IQCF1: variants seen among roughly 807,000 people sequenced by gnomAD.
IQCF1 encodes the protein IQ motif containing F1.
A neutral mutation model predicts 12.5 loss-of-function variants in IQCF1; 9 were observed. That is an observed-to-expected ratio of 0.72 (90% CI 0.43 to 1.26). IQCF1 has a LOEUF of 1.26. Among genes scored for constraint, IQCF1 ranks in the 50% most tolerant of loss-of-function variants. The pLI is 0.00. For synonymous variants in IQCF1, 67 were observed against 96.2 expected (o/e 0.70, Z 1.78); for missense variants, 252 against 257.4 (o/e 0.98, Z 0.14).
intron 2 of IQCF1, among the ~76,000 whole-genome samples, chr3:51,899,433 G>C (rs1699050230): frequency 6.6e-6 from 1 of 152,154 alleles, no homozygotes; most frequent in Non-Finnish European, 1.5e-5. Flanking sequence ...AACTATTGAA[G>C]AAACAGTTTA....
intron 2 of IQCF1, among the ~76,000 whole-genome samples, chr3:51,902,049 G>T (rs1394143708): frequency 6.6e-6 from 1 of 152,166 alleles, no homozygotes; most frequent in Non-Finnish European, 1.5e-5. Flanking sequence ...CAATGAGTTA[G>T]CCAACAACTC....
chr3:51,902,151 G>A (rs1295701595), intron 2 of IQCF1, among the ~76,000 whole-genome samples: 1 of 152,172 alleles, frequency 6.6e-6, no homozygotes, highest in Non-Finnish European at 1.5e-5. Context: ...CCTGGCAGCC[G>A]CAATGGGTGT....
intron 2 of IQCF1, among the ~76,000 whole-genome samples, chr3:51,897,656 C>A (rs999386605): frequency 1.3e-5 from 2 of 152,230 alleles, no homozygotes; most frequent in Non-Finnish European, 2.9e-5. Context: ...CAACTCTGTG[C>A]ACAGACCAAG....
At chr3:51,897,249 C>A (rs1390339584) in intron 2 of IQCF1, among the ~76,000 whole-genome samples, 2 of 152,156 alleles carry the variant, frequency 1.3e-5, no homozygotes, top group Non-Finnish European at 2.9e-5. Flanking sequence ...AATAGGGGAA[C>A]GACACAGCAG....
At position 51,900,300 on chromosome 3, in the gene IQCF1, G is replaced by A. The variant is rs1699060482; in HGVS notation, c.108+2685C>T. 6.6e-6 allele frequency among the ~76,000 whole-genome samples: 1 copy of A among 152,058 alleles called. No homozygotes were observed. ...AGCGCCACCCCTTCCAGAGTCACGGGCCATAGTCCCAGGGGAAAACCCTAT... is the reference window on the plus strand; with the variant it reads ...AGCGCCACCCCTTCCAGAGTCACGGACCATAGTCCCAGGGGAAAACCCTAT... On this transcript the variant is annotated intron_variant, in intron 2 of 3. Coordinates refer to ENST00000310914, the MANE Select transcript of IQCF1 (RefSeq NM_152397.3). This position sits in a 1 kb window ranked among gnomAD's most constrained non-coding sequence, Gnocchi z 4.2.
At position 51,894,998 on chromosome 3, in the gene IQCF1, C is replaced by T. The variant is rs1698982500; in HGVS notation, c.510G>A (p.Lys170=). The change falls in exon 4 of 4, where the codon AAG becomes AAA. Residue 170 remains lysine (K), a synonymous_variant. Coordinates refer to ENST00000310914, the MANE Select transcript of IQCF1 (RefSeq NM_152397.3). ...CRSCASRGFI[K]GQYRVTANQL... is the part of the protein sequence containing the mutation. ...GGTTGGCTGTGACTCTGTACTGGCC[C>T]TTGATGAACCCCCGGGAAGCACAGG... 6 of 1,614,214 alleles carry T rather than the reference C, an allele frequency of 3.7e-6. No individual in the cohort carries two copies. The highest frequency in any genetic ancestry group is 5.1e-6 in the Non-Finnish European group (6 of 1,180,038).
At position 51,895,341 on chromosome 3, in the gene IQCF1, C is replaced by T. The variant is rs749273435; in HGVS notation, c.172-5G>A. On this transcript the variant is annotated splice_region_variant and splice_polypyrimidine_tract_variant and intron_variant, in intron 3 of 3. Transcript: ENST00000310914. This position sits in a 1 kb window ranked among gnomAD's most constrained non-coding sequence, Gnocchi z 4.8. The stretch of plus-strand genomic sequence containing the variant: ...CTTCTTTTGGTTTTCTGGGGGCTTT[C>T]AAGAAAAAAAGAGGGACCTTCAGAG... 6.9e-7 allele frequency: 1 copy of T among 1,446,470 alleles called. No homozygotes were observed. Among genetic ancestry groups the T allele is most frequent in the Non-Finnish European group, 9.0e-7 (1 of 1,105,222 alleles). The allele number at this position is 1,446,470 out of a possible 1,614,324, so 89.6% of individuals were successfully genotyped here. A position where few individuals can be genotyped will look rare whatever the true frequency, so the allele number is the denominator to read the frequency against.
Position 51,900,614 on chromosome 3 carries a change from C to G in IQCF1, c.108+2371G>C, listed in dbSNP as rs543662167. The stretch of plus-strand genomic sequence containing the variant: ...TTTTGATAAAGACCCCAGTGTCAAC[C>G]AGGAGTCTTGCCCCGCGATGTAGAG... On this transcript the variant is annotated intron_variant, in intron 2 of 3. Coordinates refer to ENST00000310914, the MANE Select transcript of IQCF1 (RefSeq NM_152397.3). The surrounding 1 kb of genome is among the most constrained non-coding windows in gnomAD (Gnocchi z 4.2). Among the ~76,000 whole-genome samples, 19 of 152,202 alleles carry G rather than the reference C, an allele frequency of 1.2e-4. No homozygotes were observed. The highest frequency in any genetic ancestry group is 2.6e-4 in the Non-Finnish European group (18 of 68,036).
rs1247635504 is a variant in IQCF1, at chr3:51,895,613, A to G, written c.172-277T>C. Among the ~76,000 whole-genome samples the G allele has an allele frequency of 6.6e-6, 1 of 152,166 alleles. No individual in the cohort carries two copies. The highest frequency in any genetic ancestry group is 1.5e-5 in the Non-Finnish European group (1 of 68,020). On this transcript the variant is annotated intron_variant, in intron 3 of 3. Coordinates refer to ENST00000310914, the MANE Select transcript of IQCF1 (RefSeq NM_152397.3). The surrounding 1 kb of genome is among the most constrained non-coding windows in gnomAD (Gnocchi z 4.8). ...CCCTGGCTACCTCACCCAGTTTTCC[A>G]TGGACCTTGTTGACCAGCAAGAACA...
chr3:51,903,203 G>T (rs1011803730), intron 1 of IQCF1, 67 bp downstream of exon 1: 7 of 1,599,950 alleles, frequency 4.4e-6, no homozygotes, highest in Non-Finnish European at 4.3e-6. Flanking sequence ...GTGTCAGGGG[G>T]TCCCTTCACC....
At chr3:51,898,569 A>C (rs1699039444) in intron 2 of IQCF1, among the ~76,000 whole-genome samples, 3 of 152,194 alleles carry the variant, frequency 2.0e-5, no homozygotes, top group Non-Finnish European at 4.4e-5. Flanking sequence ...GTTTTAGAGG[A>C]AACCTCACTG....
chr3:51,895,370 G>T lies in IQCF1; in HGVS notation c.172-34C>A. On this transcript the variant is annotated intron_variant, in intron 3 of 3. Transcript: ENST00000310914. The surrounding 1 kb of genome is among the most constrained non-coding windows in gnomAD (Gnocchi z 4.8). Reference sequence around the variant, plus strand: ...AAAAAAAGAGGGACCTTCAGAGAATGCTCCCCACTGGCTTCAGCTCTGGGG... The same window carrying T: ...AAAAAAAGAGGGACCTTCAGAGAATTCTCCCCACTGGCTTCAGCTCTGGGG... 1 of 1,565,808 alleles carries T rather than the reference G, an allele frequency of 6.4e-7. No homozygotes were observed. Among genetic ancestry groups the T allele is most frequent in the Non-Finnish European group, 8.7e-7 (1 of 1,149,298 alleles).
At position 51,895,159 on chromosome 3, in the gene IQCF1, C is replaced by T. The variant is rs546891005; in HGVS notation, c.349G>A (p.Ala117Thr). 5 of 1,614,254 alleles carry T rather than the reference C, an allele frequency of 3.1e-6. No individual in the cohort carries two copies. The African/African-American group carries it at 4.0e-5, about 13-fold the overall frequency. ...SKILKKRRQAALEAFSRKEWA... is the reference protein window; with the variant it reads ...SKILKKRRQATLEAFSRKEWA... The stretch of plus-strand genomic sequence containing the variant: ...TCCTTCCGGGAGAAGGCCTCTAGCG[C>T]TGCCTGCCGCCTCTTCTTCAGAATC... Residue 117 changes from alanine to threonine, a missense_variant, in exon 4 of 4, where the codon GCG becomes ACG. Transcript: ENST00000310914. This position sits in a 1 kb window ranked among gnomAD's most constrained non-coding sequence, Gnocchi z 4.8.
intron 2 of IQCF1, among the ~76,000 whole-genome samples, chr3:51,899,071 G>A (rs1414100772): frequency 6.6e-6 from 1 of 152,278 alleles, no homozygotes; most frequent in African/African-American, 2.4e-5. Flanking sequence ...CAAAAGTAAA[G>A]TTGGCTGAAA....
intron 2 of IQCF1, among the ~76,000 whole-genome samples, chr3:51,901,768 CAATT>C (rs908150305): frequency 2.6e-5 from 4 of 152,094 alleles, no homozygotes; most frequent in African/African-American, 9.7e-5. Flanking sequence ...TGTTGAGAGA[CAATT>C]AATAAAAATA....
chr3:51,901,953 A>T (rs1056467350), intron 2 of IQCF1, among the ~76,000 whole-genome samples: 1 of 152,218 alleles, frequency 6.6e-6, no homozygotes, highest in African/African-American at 2.4e-5. Flanking sequence ...CCTCATGATT[A>T]AAACTCAATG....
intron 3 of IQCF1, among the ~76,000 whole-genome samples, chr3:51,896,245 C>A (rs56913998): frequency 0.014 from 2,082 of 152,300 alleles, 49 homozygotes; most frequent in African/African-American, 0.047. Flanking sequence ...AATCTCAGGT[C>A]TTTAGACAAA....
chr3:51,901,607 G>C (rs1389541563), intron 2 of IQCF1, among the ~76,000 whole-genome samples: 2 of 152,182 alleles, frequency 1.3e-5, no homozygotes, highest in Non-Finnish European at 1.5e-5. Context: ...ATCAACCAGA[G>C]GAAGGAAAAA....
rs1698994783 is a variant in IQCF1 at position 51,895,659 on chromosome 3, G to T, written c.172-323C>A. On this transcript the variant is annotated intron_variant, in intron 3 of 3. Transcript: ENST00000310914. This position sits in a 1 kb window ranked among gnomAD's most constrained non-coding sequence, Gnocchi z 4.8. The stretch of plus-strand genomic sequence containing the variant: ...GAACACTGTGATATAGGGTCAAAGG[G>T]TTACCATGTTCCACCCAGGCCTGAT... 6.6e-6 allele frequency among the ~76,000 whole-genome samples: 1 copy of T among 152,146 alleles called. No homozygotes were observed. The highest frequency in any genetic ancestry group is 2.4e-5 in the African/African-American group (1 of 41,414).
Sources: allele counts gnomAD v4.1 joint callset (sites outside exome capture counted in the v4.1 genomes callset), GRCh38; gene constraint gnomAD v4.1.1; non-coding constraint Gnocchi (gnomAD v3.1); transcripts MANE v1.5; gene names NCBI Gene and HGNC (gene_info 2026-07-23, HGNC 2026-07-21).